DAAM2: variants seen among roughly 807,000 people sequenced by gnomAD.
DAAM2 encodes disheveled-associated activator of morphogenesis 2.
DAAM2 carries 39 observed loss-of-function variants against 120.7 expected under a neutral mutation model. The observed-to-expected ratio is 0.32, with a 90% CI of 0.25 to 0.42. The LOEUF (loss-of-function observed/expected upper bound fraction) is 0.42. Among genes scored for constraint, DAAM2 ranks in the 10% least tolerant of loss-of-function variants. DAAM2 has a pLI of 1.00. For missense variants in DAAM2, 1,283 were observed against 1,401.7 expected (o/e 0.92, Z 1.35); for synonymous variants, 488 against 524.9 (o/e 0.93, Z 0.96).
intron 1 of DAAM2, among the ~76,000 whole-genome samples, chr6:39,804,209 G>C (rs1386130598): frequency 6.6e-6 from 1 of 152,144 alleles, no homozygotes; most frequent in Non-Finnish European, 1.5e-5. Flanking sequence ...TTCAAATGGC[G>C]CTCTGACGAG....
intron 7 of DAAM2, 110 bp downstream of exon 7, chr6:39,869,043 G>C: frequency 1.2e-6 from 1 of 822,740 alleles, no homozygotes; most frequent in Non-Finnish European, 2.0e-6. Flanking sequence ...AACCTGGGAG[G>C]GCTCCTGGGG....
chr6:39,854,488 G>A lies in DAAM2; in HGVS notation c.-56-1759G>A, dbSNP rs888176233. ...AATGTGTTATTTGAGGCTTTTCTGGGCCTATTAAAAATTCTGTCACAAAGT... is the reference window on the plus strand; with the variant it reads ...AATGTGTTATTTGAGGCTTTTCTGGACCTATTAAAAATTCTGTCACAAAGT... On this transcript the variant is annotated intron_variant, in intron 1 of 24. Transcript: ENST00000274867. Among the ~76,000 whole-genome samples the A allele has an allele frequency of 3.3e-5, 5 of 152,238 alleles. No homozygotes were observed. The South Asian group carries it at 1.0e-3, about 32-fold the overall frequency.
intron 15 of DAAM2, chr6:39,884,969 C>G (rs1765310505): frequency 1.3e-5 from 2 of 152,154 alleles, no homozygotes; most frequent in African/African-American, 4.8e-5. Flanking sequence ...TGCTTTATCT[C>G]TGGCCCGCCC....
chr6:39,793,545 A>G (rs970063966), intron 1 of DAAM2, among the ~76,000 whole-genome samples: 7 of 148,116 alleles, frequency 4.7e-5, no homozygotes, highest in Non-Finnish European at 1.1e-4. Flanking sequence ...GAGTCCCCAT[A>G]GGTTTTCCCT....
intron 1 of DAAM2, 128 bp from the exon 2 acceptor site, chr6:39,856,119 T>TGGGGGGGCGACCGGGGGGTGGGG: frequency 2.0e-6 from 1 of 509,082 alleles, no homozygotes; most frequent in South Asian, 6.9e-5. Context: ...GCGGGGTGGG[T>TGGGGGGGCGACCGGGGGGTGGGG]GGGGCTTTGC....
chr6:39,850,527 A>G (rs1014334875), intron 1 of DAAM2, among the ~76,000 whole-genome samples: 1 of 152,172 alleles, frequency 6.6e-6, no homozygotes, highest in South Asian at 2.1e-4. Context: ...ATCACAGGTC[A>G]GTGTTCAACA....
intron 2 of DAAM2, among the ~76,000 whole-genome samples, chr6:39,857,744 G>T (rs115413763): frequency 7.9e-5 from 12 of 152,168 alleles, no homozygotes; most frequent in South Asian, 2.1e-4. Flanking sequence ...GACAAGTCTT[G>T]CCTGCAAGAA....
Position 39,901,423 on chromosome 6 carries a change from TGAGGAGGAGGAAG to T in DAAM2, c.2945_2957del (p.Lys982SerfsTer10), listed in dbSNP as rs1318735290. ...GAGGCCCGGCAGGATCTAGAGGCCA[TGAGGAGGAGGAAG>T]GAGGAGGAGGAGCGGCGGGCGCGCA... On this transcript the variant is annotated frameshift_variant, in exon 24 of 25. Transcript: ENST00000274867. LOFTEE classifies it high-confidence loss of function. This position sits in a 1 kb window ranked among gnomAD's most constrained non-coding sequence, Gnocchi z 4.5. The T allele has an allele frequency of 6.2e-7, 1 of 1,612,708 alleles. No individual in the cohort carries two copies. The highest frequency in any genetic ancestry group is 8.5e-7 in the Non-Finnish European group (1 of 1,179,690).
At chr6:39,832,011 T>C (rs1206347727) in intron 1 of DAAM2, among the ~76,000 whole-genome samples, 2 of 97,282 alleles carry the variant, frequency 2.1e-5, no homozygotes, top group Non-Finnish European at 4.0e-5. Flanking sequence ...GAGGCAGGTA[T>C]ACTGGAGGGA....
chr6:39,813,167 C>CGT (rs113671363), intron 1 of DAAM2, among the ~76,000 whole-genome samples: 10 of 149,630 alleles, frequency 6.7e-5, no homozygotes, highest in African/African-American at 1.7e-4. Flanking sequence ...TGTGTGTGTG[C>CGT]GTGTGTGTGT....
chr6:39,850,266 C>T (rs1215908445), intron 1 of DAAM2, among the ~76,000 whole-genome samples: 4 of 152,128 alleles, frequency 2.6e-5, no homozygotes, highest in Non-Finnish European at 4.4e-5. Flanking sequence ...TTGCCTTTTC[C>T]CTCCCCTTGC....
At chr6:39,897,971 G>A (rs905221125) in intron 21 of DAAM2, among the ~76,000 whole-genome samples, 7 of 152,208 alleles carry the variant, frequency 4.6e-5, no homozygotes, top group Admixed American at 4.6e-4. Context: ...AGGCTGAGTA[G>A]GAATGGGCCA....
chr6:39,886,851 T>G, intron 15 of DAAM2: 1 of 177,730 alleles, frequency 5.6e-6, no homozygotes, highest in African/African-American at 2.3e-5. Context: ...GCCTCCTGTC[T>G]ACCTCGCCAG....
At chr6:39,839,170 G>C (rs1166789828) in intron 1 of DAAM2, among the ~76,000 whole-genome samples, 1 of 152,066 alleles carries the variant, frequency 6.6e-6, no homozygotes, top group Non-Finnish European at 1.5e-5. Flanking sequence ...AAACCTGAGG[G>C]ATCCGCTCAT....
chr6:39,858,845 A>AG (rs1420707430), intron 2 of DAAM2, among the ~76,000 whole-genome samples: 2 of 152,106 alleles, frequency 1.3e-5, no homozygotes, highest in Non-Finnish European at 2.9e-5. Flanking sequence ...TGGTGCCCTG[A>AG]GGGACTTCTA....
In DAAM2 at chr6:39,879,276, C is replaced by T. The variant is rs754881528; in HGVS notation, c.1644C>T (p.Pro548=). 23 of 1,518,956 alleles carry T rather than the reference C, an allele frequency of 1.5e-5. No homozygotes were observed. The highest frequency in any genetic ancestry group is 1.6e-5 in the Non-Finnish European group (18 of 1,118,224). 94.1% of individuals were successfully genotyped at this position (1,518,956 alleles called of 1,614,324 possible). Residue 548 remains proline, a synonymous_variant, in exon 14 of 25, where the codon CCC becomes CCT. Transcript: ENST00000274867. The part of the protein sequence containing the change: ...NDLPPPPPPL[P]FACCPPPPPP... ...TGCCTCCACCCCCTCCTCCTCTGCC[C>T]TTTGCCTGTTGTCCCCCTCCCCCAC...
At chr6:39,869,847 T>C (rs1764587546) in intron 7 of DAAM2, among the ~76,000 whole-genome samples, 1 of 150,668 alleles carries the variant, frequency 6.6e-6, no homozygotes, top group Non-Finnish European at 1.5e-5. Context: ...GCCCCTAAGA[T>C]GCTAACATCA....
At chr6:39,892,575 C>T (rs1031446681) in intron 19 of DAAM2, among the ~76,000 whole-genome samples, 1 of 151,922 alleles carries the variant, frequency 6.6e-6, no homozygotes, top group Non-Finnish European at 1.5e-5. Context: ...GACATGTGGA[C>T]CCAGGAGGCA....
intron 17 of DAAM2, among the ~76,000 whole-genome samples, chr6:39,890,922 T>C (rs1765669805): frequency 6.6e-6 from 1 of 151,702 alleles, no homozygotes; most frequent in Non-Finnish European, 1.5e-5. Flanking sequence ...GGTCCAGTCT[T>C]ACAAAATAAA....
Sources: allele counts gnomAD v4.1 joint callset (sites outside exome capture counted in the v4.1 genomes callset), GRCh38; gene constraint gnomAD v4.1.1; non-coding constraint Gnocchi (gnomAD v3.1); transcripts MANE v1.5; gene names NCBI Gene and HGNC (gene_info 2026-07-23, HGNC 2026-07-21).